The following SCN2A variants were observed in gnomAD, a reference collection of about 807,000 sequenced individuals.
SCN2A encodes sodium voltage-gated channel alpha subunit 2.
Under a neutral mutation model 188.7 loss-of-function variants are expected in SCN2A, and 20 were observed. That is an observed-to-expected ratio of 0.11 (90% CI 0.07 to 0.15). The LOEUF is 0.15. SCN2A is among the 10% of genes least tolerant of loss of function. SCN2A has a pLI of 1.00. For synonymous variants in SCN2A, 804 were observed against 833.1 expected, an observed-to-expected ratio of 0.97 and a Z score of 0.60; for missense variants, 1,278 against 2,445.0, an observed-to-expected ratio of 0.52 and a Z score of 10.07.
intron 1 of SCN2A, among the ~76,000 whole-genome samples, chr2:165,249,766 C>T (rs1218433621): frequency 6.6e-6 from 1 of 151,930 alleles, no homozygotes; most frequent in African/African-American, 2.4e-5. Context: ...CCATTGTTTA[C>T]CACCTAATGT....
chr2:165,293,585 G>A (rs1559342157), intron 1 of SCN2A, among the ~76,000 whole-genome samples: 1 of 152,088 alleles, frequency 6.6e-6, no homozygotes, highest in Non-Finnish European at 1.5e-5. Context: ...ATAATCTTAT[G>A]CGACCACTGT....
intron 17 of SCN2A, among the ~76,000 whole-genome samples, chr2:165,364,779 A>G (rs1444377364): frequency 1.3e-5 from 2 of 152,184 alleles, no homozygotes; most frequent in African/African-American, 4.8e-5. Context: ...TTTTAGAATA[A>G]AACAAACTAT....
chr2:165,365,376 TC>T (rs1377984976), intron 18 of SCN2A, 113 bp downstream of exon 18: 1 of 237,922 alleles, frequency 4.2e-6, no homozygotes. Flanking sequence ...TCTATCTGTA[TC>T]TATCTATCTA....
At chr2:165,270,165 C>A (rs78070464) in intron 1 of SCN2A, 2 of 151,972 alleles carry the variant, frequency 1.3e-5, no homozygotes, top group Non-Finnish European at 2.9e-5. Context: ...CAAAAGTCCC[C>A]TCAAGCAAGT....
In SCN2A at chr2:165,331,668, A is replaced by G. The variant is rs1698681711; in HGVS notation, c.2388+100A>G. 4 of 943,700 alleles carry G rather than the reference A, an allele frequency of 4.2e-6. No individual in the cohort carries two copies. The Admixed American group carries it at 5.9e-5, about 14-fold the overall frequency. The allele number at this position is 943,700 out of a possible 1,614,324, so 58.5% of individuals were successfully genotyped here. On this transcript the variant is annotated intron_variant, in intron 14 of 26. Transcript: ENST00000375437. ...CAAATTAAATATCAACTAATTGGCC[A>G]TGTATATCTTGACATCAAATGTTTA...
rs1397697489 is a variant in SCN2A at position 165,291,372 on chromosome 2, C to G, written c.-51-4401C>G. ...CGTTCGTTCCTTCCTTCCTTCCTTC[C>G]TTCCTTCCTTCCTTCCTTCCTTCCT... On this transcript the variant is annotated intron_variant, in intron 1 of 26. Transcript: ENST00000375437. Among the ~76,000 whole-genome samples the G allele has an allele frequency of 1.4e-4, 17 of 117,914 alleles. No homozygotes were observed. In the South Asian group the frequency reaches 1.7e-3, roughly 12 times the overall value. 77.4% of individuals were successfully genotyped at this position (117,914 alleles called of 152,430 possible).
chr2:165,248,583 A>G (rs1303607213), intron 1 of SCN2A, among the ~76,000 whole-genome samples: 2 of 151,950 alleles, frequency 1.3e-5, no homozygotes, highest in African/African-American at 2.4e-5. Flanking sequence ...ACATTCTTCT[A>G]TACTTTCTTT....
At chr2:165,361,716 T>G (rs1455117391) in intron 17 of SCN2A, among the ~76,000 whole-genome samples, 1 of 152,004 alleles carries the variant, frequency 6.6e-6, no homozygotes, top group East Asian at 1.9e-4. Context: ...TTGCATTCCT[T>G]AAAGAGGCCC....
intron 1 of SCN2A, among the ~76,000 whole-genome samples, chr2:165,292,895 G>T (rs1696294874): frequency 6.6e-6 from 1 of 152,204 alleles, no homozygotes. Flanking sequence ...AAATGTCTTA[G>T]CCAAGTGACT....
At chr2:165,242,002 T>C (rs1693644157) in intron 1 of SCN2A, among the ~76,000 whole-genome samples, 1 of 152,174 alleles carries the variant, frequency 6.6e-6, no homozygotes, top group African/African-American at 2.4e-5. Context: ...TAACCCAATC[T>C]GTTTGAAGCT....
chr2:165,347,964 T>G (rs560585733), intron 16 of SCN2A, among the ~76,000 whole-genome samples: 1 of 152,272 alleles, frequency 6.6e-6, no homozygotes, highest in East Asian at 1.9e-4. Context: ...GTGAGAAGTA[T>G]CAGGCTCTTA....
chr2:165,340,021 A>C (rs1345293844), intron 14 of SCN2A, among the ~76,000 whole-genome samples: 1 of 152,234 alleles, frequency 6.6e-6, no homozygotes, highest in Admixed American at 6.5e-5. Flanking sequence ...TGAAATAAAC[A>C]CTACAGAAAG....
Position 165,387,009 on chromosome 2 carries a change from C to A in SCN2A, c.4815C>A (p.Ser1605=). 1 of 1,613,470 alleles carries A rather than the reference C, an allele frequency of 6.2e-7. No individual in the cohort carries two copies. The highest frequency in any genetic ancestry group is 8.5e-7 in the Non-Finnish European group (1 of 1,179,618). ...NIFDFVVVIL[S]IVGMFLAELI... is the part of the protein sequence containing the mutation. Reference sequence around the variant, plus strand: ...TTGATTTTGTGGTGGTCATTCTCTCCATTGTAGGTAAGAAGAGGTGCTTTT... The same window carrying A: ...TTGATTTTGTGGTGGTCATTCTCTCAATTGTAGGTAAGAAGAGGTGCTTTT... Residue 1605 remains serine, a synonymous_variant, in exon 26 of 27, where the codon TCC becomes TCA. Transcript: ENST00000375437.
chr2:165,322,277 C>T (rs1390331632), intron 11 of SCN2A, among the ~76,000 whole-genome samples: 3 of 152,152 alleles, frequency 2.0e-5, no homozygotes, highest in Admixed American at 6.5e-5. Flanking sequence ...AATTACGTAT[C>T]GAATACACTG....
intron 1 of SCN2A, among the ~76,000 whole-genome samples, chr2:165,278,285 C>T (rs1695432092): frequency 6.6e-6 from 1 of 152,106 alleles, no homozygotes; most frequent in African/African-American, 2.4e-5. Flanking sequence ...CTGCCTGAGA[C>T]TGGAAAATTT....
At chr2:165,246,027 T>TCCCAGGGAATTCAACTGTGTG (rs1244536602) in intron 1 of SCN2A, among the ~76,000 whole-genome samples, 34 of 152,256 alleles carry the variant, frequency 2.2e-4, no homozygotes, top group Middle Eastern at 3.4e-3. Flanking sequence ...AAGCCTGACT[T>TCCCAGGGAATTCAACTGTGTG]CCCAGGGAAT....
Position 165,365,163 on chromosome 2 carries a change from A to G in SCN2A, c.3420A>G (p.Ser1140=), listed in dbSNP as rs778328067. The change falls in exon 18 of 27, where the codon TCA becomes TCG. Residue 1140 remains serine (S), a synonymous_variant. Transcript: ENST00000375437. ...TTCAGAAGCTAAATGCAACTAGTTCATCTGAAGGCAGCACGGTTGATATTG... is the reference window on the plus strand; with the variant it reads ...TTCAGAAGCTAAATGCAACTAGTTCGTCTGAAGGCAGCACGGTTGATATTG... ...ESKEKLNATS[S]SEGSTVDIGA... The G allele has an allele frequency of 6.2e-7, 1 of 1,613,672 alleles. No individual in the cohort carries two copies. The highest frequency in any genetic ancestry group is 1.1e-5 in the South Asian group (1 of 91,038).
chr2:165,379,271 A>G (rs1242621407), intron 23 of SCN2A, among the ~76,000 whole-genome samples: 1 of 151,750 alleles, frequency 6.6e-6, no homozygotes, highest in African/African-American at 2.4e-5. Context: ...ACCGCCATAT[A>G]CAACCACATG....
chr2:165,257,020 A>G (rs1313127292), intron 1 of SCN2A, among the ~76,000 whole-genome samples: 1 of 152,168 alleles, frequency 6.6e-6, no homozygotes, highest in Non-Finnish European at 1.5e-5. Flanking sequence ...ACAGTGGCCT[A>G]AGGAAACTAA....
Sources: allele counts gnomAD v4.1 joint callset (sites outside exome capture counted in the v4.1 genomes callset), GRCh38; gene constraint gnomAD v4.1.1; transcripts MANE v1.5; gene names NCBI Gene and HGNC (gene_info 2026-07-23, HGNC 2026-07-21).